AIG1: variants seen among roughly 807,000 people sequenced by gnomAD.
AIG1 encodes the protein androgen-induced gene 1 protein.
Under a neutral mutation model 31.4 loss-of-function variants are expected in AIG1, and 23 were observed. The ratio of observed to expected loss-of-function variants is 0.73; its 90% CI spans 0.53 to 1.04. AIG1 has a LOEUF of 1.04. Ranked by LOEUF, AIG1 falls within the 50% of genes least tolerant of loss-of-function variation. The pLI is 0.00. For synonymous variants in AIG1, 100 were observed against 110.5 expected (o/e 0.90, Z 0.60); for missense variants, 274 against 295.0 (o/e 0.93, Z 0.52).
intron 2 of AIG1, among the ~76,000 whole-genome samples, chr6:143,159,394 T>C (rs143187933): frequency 6.6e-6 from 1 of 152,256 alleles, no homozygotes; most frequent in African/African-American, 2.4e-5. Context: ...TCTAGGCAAA[T>C]ATGGATAAAT....
chr6:143,105,950 C>A (rs1780765355), intron 1 of AIG1, among the ~76,000 whole-genome samples: 1 of 152,184 alleles, frequency 6.6e-6, no homozygotes, highest in African/African-American at 2.4e-5. Context: ...TTCTAGTGAG[C>A]TCGTGTGCTT....
chr6:143,250,531 G>C (rs1003729856), intron 3 of AIG1, among the ~76,000 whole-genome samples: 12 of 152,302 alleles, frequency 7.9e-5, no homozygotes, highest in Non-Finnish European at 2.9e-5. Flanking sequence ...ATTAAGTTCA[G>C]GATCTTGAGA....
intron 3 of AIG1, among the ~76,000 whole-genome samples, chr6:143,253,121 G>A (rs779831236): frequency 1.1e-4 from 16 of 152,222 alleles, no homozygotes; most frequent in Non-Finnish European, 2.1e-4. Context: ...TAGGTTAGAA[G>A]CAAGTCACTA....
intron 3 of AIG1, among the ~76,000 whole-genome samples, chr6:143,174,486 C>CA (rs71024844): frequency 0.049 from 2,871 of 58,500 alleles, 70 homozygotes; most frequent in African/African-American, 0.081. Flanking sequence ...GACTCCGTCT[C>CA]AAAAAAAAAA....
intron 3 of AIG1, among the ~76,000 whole-genome samples, chr6:143,272,009 A>C (rs890220622): frequency 6.6e-6 from 1 of 152,222 alleles, no homozygotes; most frequent in Non-Finnish European, 1.5e-5. Flanking sequence ...ACTGGTTTGT[A>C]CATTCTCCCT....
At chr6:143,129,690 T>C (rs1297620786) in intron 1 of AIG1, among the ~76,000 whole-genome samples, 1 of 152,230 alleles carries the variant, frequency 6.6e-6, no homozygotes, top group African/African-American at 2.4e-5. Context: ...GCTTCCTTCC[T>C]ATTCCTATTT....
At chr6:143,228,856 C>T (rs987452782) in intron 3 of AIG1, among the ~76,000 whole-genome samples, 2 of 152,162 alleles carry the variant, frequency 1.3e-5, no homozygotes, top group Non-Finnish European at 2.9e-5. Context: ...AAGTATAAAA[C>T]GCCAACTCAC....
intron 4 of AIG1, among the ~76,000 whole-genome samples, chr6:143,324,040 A>C (rs1458874042): frequency 6.6e-6 from 1 of 152,188 alleles, no homozygotes; most frequent in Non-Finnish European, 1.5e-5. Flanking sequence ...TGGAGGTACC[A>C]TGAGAGGCTC....
At chr6:143,316,269 C>T (rs1775731611) in intron 4 of AIG1, among the ~76,000 whole-genome samples, 1 of 152,096 alleles carries the variant, frequency 6.6e-6, no homozygotes, top group African/African-American at 2.4e-5. Context: ...ATCAGATTTA[C>T]ACTTCCCCTA....
chr6:143,162,907 C>G (rs1403253074), intron 2 of AIG1, among the ~76,000 whole-genome samples: 1 of 152,070 alleles, frequency 6.6e-6, no homozygotes. Flanking sequence ...GGTGCATGCT[C>G]CGCATAGGCA....
At chr6:143,262,654 G>A (rs1795871877) in intron 3 of AIG1, among the ~76,000 whole-genome samples, 1 of 151,936 alleles carries the variant, frequency 6.6e-6, no homozygotes, top group South Asian at 2.1e-4. Context: ...AAGGTAGAAG[G>A]AGGCAATATG....
At chr6:143,197,096 C>T (rs540878375) in intron 3 of AIG1, among the ~76,000 whole-genome samples, 1 of 151,670 alleles carries the variant, frequency 6.6e-6, no homozygotes, top group African/African-American at 2.4e-5. Context: ...ACTGGGACAT[C>T]ATTGTTTAGG....
chr6:143,278,704 G>C (rs1008727191), intron 3 of AIG1, among the ~76,000 whole-genome samples: 8 of 151,756 alleles, frequency 5.3e-5, no homozygotes, highest in Non-Finnish European at 1.2e-4. Context: ...CCTGACCTCA[G>C]GTGATCCGCC....
chr6:143,226,268 G>T (rs1792943252), intron 3 of AIG1, among the ~76,000 whole-genome samples: 2 of 150,176 alleles, frequency 1.3e-5, no homozygotes, highest in East Asian at 2.0e-4. Flanking sequence ...TTGAGATGGA[G>T]TCTCACTCTG....
intron 1 of AIG1, among the ~76,000 whole-genome samples, chr6:143,067,232 A>G (rs926253861): frequency 6.6e-6 from 1 of 152,220 alleles, no homozygotes; most frequent in Non-Finnish European, 1.5e-5. Context: ...TTTTTAGTGT[A>G]ATATATAGAA....
intron 3 of AIG1, chr6:143,189,801 T>G: frequency 4.1e-6 from 4 of 982,484 alleles, no homozygotes; most frequent in Non-Finnish European, 4.8e-6. Context: ...ACTTCTCAAC[T>G]TCGTAAATAA....
At chr6:143,228,116 C>G (rs1185850146) in intron 3 of AIG1, among the ~76,000 whole-genome samples, 2 of 152,186 alleles carry the variant, frequency 1.3e-5, no homozygotes, top group East Asian at 3.8e-4. Context: ...TCCCCTCATC[C>G]CTGCACCAGT....
intron 1 of AIG1, among the ~76,000 whole-genome samples, chr6:143,105,303 C>A (rs951198702): frequency 2.0e-5 from 3 of 152,166 alleles, no homozygotes; most frequent in Non-Finnish European, 2.9e-5. Context: ...CCTGCATGGC[C>A]CTCAGAAGCG....
chr6:143,234,470 C>G (rs895526043), intron 3 of AIG1, among the ~76,000 whole-genome samples: 1 of 152,178 alleles, frequency 6.6e-6, no homozygotes, highest in African/African-American at 2.4e-5. Flanking sequence ...GTTCCCCCAC[C>G]TGGTTGGGAG....
Sources: allele counts gnomAD v4.1 joint callset (sites outside exome capture counted in the v4.1 genomes callset), GRCh38; gene constraint gnomAD v4.1.1; transcripts MANE v1.5; gene names NCBI Gene and HGNC (gene_info 2026-07-23, HGNC 2026-07-21).